CNTLN: variants seen among roughly 807,000 people sequenced by gnomAD.
CNTLN encodes the protein centlein, centrosomal protein.
In CNTLN, 212 loss-of-function variants were observed where a neutral mutation model predicts 180.0. The observed-to-expected ratio is 1.18, with a 90% confidence interval of 1.05 to 1.32. The LOEUF (loss-of-function observed/expected upper bound fraction) is 1.32. CNTLN is among the 40% of genes most tolerant of loss of function. The pLI is 0.00. For synonymous variants in CNTLN, 722 were observed against 563.1 expected (o/e 1.28, Z -3.99); for missense variants, 2,095 against 1,610.9 (o/e 1.30, Z -5.14).
intron 23 of CNTLN, among the ~76,000 whole-genome samples, chr9:17,482,790 A>G (rs1832716754): frequency 6.6e-6 from 1 of 152,216 alleles, no homozygotes; most frequent in Non-Finnish European, 1.5e-5. Context: ...AGACACTGAC[A>G]AACATTTATG....
At chr9:17,211,599 T>G (rs546190642) in intron 2 of CNTLN, among the ~76,000 whole-genome samples, 1 of 152,174 alleles carries the variant, frequency 6.6e-6, no homozygotes, top group African/African-American at 2.4e-5. Flanking sequence ...AAGAAAGTCA[T>G]TGGTAGCTTG....
chr9:17,462,170 A>G (rs537515523), intron 19 of CNTLN, among the ~76,000 whole-genome samples: 61 of 151,820 alleles, frequency 4.0e-4, no homozygotes, highest in Admixed American at 1.8e-3. Flanking sequence ...TTGACTGGGA[A>G]GTTCTTTTGC....
At chr9:17,198,535 T>C (rs1403988132) in intron 2 of CNTLN, among the ~76,000 whole-genome samples, 1 of 111,708 alleles carries the variant, frequency 9.0e-6, no homozygotes, top group Non-Finnish European at 1.9e-5. Context: ...ACTTTCTTGA[T>C]TTTTTTTTTT....
rs1008628243 is a variant in CNTLN at position 17,259,579 on chromosome 9, A to T, written c.850-14154A>T. On this transcript the variant is annotated intron_variant, in intron 5 of 25. Coordinates refer to ENST00000380647, the MANE Select transcript of CNTLN (RefSeq NM_017738.4). ...CAGTTCCTCCTTGTACCTCTGGTAG[A>T]ATTCGGCTGTGAATCCATCTGGTCC... is the stretch of plus-strand genomic sequence containing the variant. 7.6e-4 allele frequency among the ~76,000 whole-genome samples: 114 copies of T among 150,776 alleles called. 2 individuals carry two copies. The highest frequency in any genetic ancestry group is 8.2e-4 in the Non-Finnish European group (56 of 67,928).
chr9:17,396,390 C>G (rs912790663), intron 15 of CNTLN, among the ~76,000 whole-genome samples: 1 of 151,806 alleles, frequency 6.6e-6, no homozygotes, highest in Non-Finnish European at 1.5e-5. Flanking sequence ...GATAGAACAC[C>G]TCTTTTTTAC....
At chr9:17,269,859 T>C (rs2095145) in intron 5 of CNTLN, among the ~76,000 whole-genome samples, 29,975 of 152,138 alleles carry the variant, frequency 0.2, 3,616 homozygotes, top group African/African-American at 0.33. Flanking sequence ...TAAAGTGAGT[T>C]ACACAAGTGT....
At chr9:17,481,176 A>G (rs12342676) in intron 23 of CNTLN, among the ~76,000 whole-genome samples, 113,806 of 152,164 alleles carry the variant, frequency 0.75, 46,392 homozygotes, top group Non-Finnish European at 0.89. Context: ...CCACCTGGCT[A>G]TAGAGCTCAG....
At chr9:17,522,038 T>G in the CNTLN span, among the ~76,000 whole-genome samples, 29 of 152,258 alleles carry the variant, frequency 1.9e-4, no homozygotes, top group East Asian at 4.8e-3. Flanking sequence ...CAACTACTGT[T>G]TACAATGAGA....
At chr9:17,470,011 G>C (rs1012444164) in intron 23 of CNTLN, among the ~76,000 whole-genome samples, 1 of 151,872 alleles carries the variant, frequency 6.6e-6, no homozygotes, top group Non-Finnish European at 1.5e-5. Flanking sequence ...ATTATTATCA[G>C]TAGTAGTAAT....
intron 25 of CNTLN, among the ~76,000 whole-genome samples, chr9:17,493,684 A>T (rs16935714): frequency 0.042 from 6,435 of 152,310 alleles, 461 homozygotes; most frequent in African/African-American, 0.15. Flanking sequence ...TACGTGAAGC[A>T]CAATGGGTAA....
At chr9:17,175,941 T>A (rs1321255793) in intron 2 of CNTLN, among the ~76,000 whole-genome samples, 1 of 152,172 alleles carries the variant, frequency 6.6e-6, no homozygotes, top group Non-Finnish European at 1.5e-5. Context: ...AATAAGGATT[T>A]CCGTGTGCAC....
chr9:17,166,207 A>T (rs995402859), intron 2 of CNTLN, among the ~76,000 whole-genome samples: 1 of 151,012 alleles, frequency 6.6e-6, no homozygotes, highest in Non-Finnish European at 1.5e-5. Flanking sequence ...AACAGGTGAC[A>T]AAAAAAGAGA....
At chr9:17,295,570 A>C (rs796132248) in intron 6 of CNTLN, among the ~76,000 whole-genome samples, 10 of 149,294 alleles carry the variant, frequency 6.7e-5, no homozygotes, top group African/African-American at 2.5e-4. Context: ...TGCAGGATTC[A>C]CTCATTGTTT....
At chr9:17,397,436 A>G (rs1324684591) in intron 15 of CNTLN, among the ~76,000 whole-genome samples, 1 of 152,222 alleles carries the variant, frequency 6.6e-6, no homozygotes, top group Non-Finnish European at 1.5e-5. Flanking sequence ...CATATAGGGT[A>G]ACTTCCTGAC....
chr9:17,295,995 A>AGTGT (rs1458176532), intron 6 of CNTLN, among the ~76,000 whole-genome samples: 13 of 84,984 alleles, frequency 1.5e-4, no homozygotes, highest in Non-Finnish European at 2.0e-4. Flanking sequence ...AGAGAGAGAG[A>AGTGT]GAGTGTGTGT....
At chr9:17,236,209 C>T (rs960451162) in intron 4 of CNTLN, among the ~76,000 whole-genome samples, 200 bp from the exon 5 acceptor site, 2 of 152,038 alleles carry the variant, frequency 1.3e-5, no homozygotes, top group African/African-American at 4.8e-5. Context: ...AAGCTGTCAT[C>T]CAGTGAAAAA....
intron 6 of CNTLN, among the ~76,000 whole-genome samples, chr9:17,295,873 A>ATAAGC (rs1173567103): frequency 1.3e-5 from 2 of 151,986 alleles, no homozygotes; most frequent in Non-Finnish European, 2.9e-5. Context: ...ATGCCCAGAA[A>ATAAGC]ATACCATGAG....
chr9:17,512,911 G>A, the CNTLN span, among the ~76,000 whole-genome samples: 1 of 152,102 alleles, frequency 6.6e-6, no homozygotes, highest in Admixed American at 6.6e-5. Flanking sequence ...CCGCCTCCCG[G>A]GTTCACGCCA....
the CNTLN span, among the ~76,000 whole-genome samples, chr9:17,516,293 A>C: frequency 6.6e-6 from 1 of 152,220 alleles, no homozygotes; most frequent in Non-Finnish European, 1.5e-5. Context: ...ATAGACCGTA[A>C]GTCATGTAAC....
Sources: gnomAD v4.1 joint callset for allele counts (sites outside exome capture counted in the v4.1 genomes callset) on GRCh38, gnomAD v4.1.1 for gene constraint, MANE v1.5 for transcripts, NCBI Gene and HGNC (gene_info 2026-07-23, HGNC 2026-07-21) for gene names.